Variants in CSMD1 observed in about 807,000 individuals in gnomAD.
The protein encoded by CSMD1 is CUB and Sushi multiple domains 1.
A neutral mutation model predicts 417.5 loss-of-function variants in CSMD1; 213 were observed. That is an observed-to-expected ratio of 0.51 (90% CI 0.46 to 0.57). CSMD1 has a LOEUF of 0.57. Among genes scored for constraint, CSMD1 ranks in the 20% least tolerant of loss-of-function variants. The pLI is 0.00. For synonymous variants in CSMD1, 2,862 were observed against 1,736.8 expected (o/e 1.65, Z -16.11); for missense variants, 6,923 against 4,529.7 (o/e 1.53, Z -15.17).
intron 1 of CSMD1, among the ~76,000 whole-genome samples, chr8:4,848,184 T>C (rs1262430518): frequency 6.6e-6 from 1 of 152,230 alleles, no homozygotes; most frequent in Non-Finnish European, 1.5e-5. Flanking sequence ...AATATTTCAT[T>C]GTATGGAAAT....
chr8:4,412,318 C>CTTT (rs944919076), intron 3 of CSMD1, among the ~76,000 whole-genome samples: 2 of 151,992 alleles, frequency 1.3e-5, no homozygotes, highest in Non-Finnish European at 2.9e-5. Flanking sequence ...GGACACAGCG[C>CTTT]AAAAGATTCA....
chr8:4,289,402 G>C (rs1253291002), intron 3 of CSMD1, among the ~76,000 whole-genome samples: 4 of 23,010 alleles, frequency 1.7e-4, no homozygotes, highest in Admixed American at 8.8e-4. Context: ...TAAAGTAGAG[G>C]GAGCCAGGGC....
At chr8:4,857,269 G>A (rs1289863167) in intron 1 of CSMD1, among the ~76,000 whole-genome samples, 1 of 146,506 alleles carries the variant, frequency 6.8e-6, no homozygotes, top group Non-Finnish European at 1.5e-5. Context: ...TCAAAGCAGT[G>A]TGTAGAGGAA....
intron 4 of CSMD1, among the ~76,000 whole-genome samples, chr8:4,012,592 A>G (rs1563317381): frequency 1.3e-5 from 2 of 152,036 alleles, no homozygotes; most frequent in African/African-American, 4.8e-5. Context: ...TCCCCTCAGT[A>G]GGCCTCAGTG....
At chr8:3,703,424 T>G (rs1195502229) in intron 7 of CSMD1, among the ~76,000 whole-genome samples, 1 of 136,036 alleles carries the variant, frequency 7.4e-6, no homozygotes, top group Non-Finnish European at 1.6e-5. Context: ...GCACAGAGAT[T>G]CCTTTCTCCC....
rs1277330164 is a variant in CSMD1, at chr8:3,096,924, G to A, written c.7063C>T (p.Pro2355Ser). The change falls in exon 47 of 70, where the codon CCA becomes TCA. Residue 2355 changes from proline (P) to serine (S), a missense_variant. Coordinates refer to ENST00000635120, the MANE Select transcript of CSMD1 (RefSeq NM_033225.6). ...ACAAAGATGGTAATGTTGTAGTTTG[G>A]TTCCACTTTAATACTCCAAGAGCAA... is the stretch of plus-strand genomic sequence containing the variant. ...QTCSWSIKVEPNYNITIFVDT... is the reference protein window; with the variant it reads ...QTCSWSIKVESNYNITIFVDT... 1 of 1,556,704 alleles carries A rather than the reference G, an allele frequency of 6.4e-7. No individual in the cohort carries two copies. Among genetic ancestry groups the A allele is most frequent in the African/African-American group, 1.4e-5 (1 of 73,632 alleles).
intron 1 of CSMD1, among the ~76,000 whole-genome samples, chr8:4,813,661 G>C (rs1415873620): frequency 6.6e-6 from 1 of 152,168 alleles, no homozygotes. Flanking sequence ...TTTACACGTT[G>C]CAAGAGAGAA....
In CSMD1 at chr8:2,997,210, T is replaced by G. The variant is rs185139176; in HGVS notation, c.8377+801A>C. On this transcript the variant is annotated intron_variant, in intron 54 of 69. Coordinates refer to ENST00000635120, the MANE Select transcript of CSMD1 (RefSeq NM_033225.6). Reference sequence around the variant, plus strand: ...GGGAAACAGAGGTAGGAGTCTTTACTTAGCCTTTGAGCTTACGCCAAGACC... The same window carrying G: ...GGGAAACAGAGGTAGGAGTCTTTACGTAGCCTTTGAGCTTACGCCAAGACC... 3.3e-5 allele frequency among the ~76,000 whole-genome samples: 5 copies of G among 152,360 alleles called. No individual in the cohort carries two copies. The East Asian group carries it at 9.7e-4, about 29-fold the overall frequency.
chr8:4,749,341 G>A (rs1010971922), intron 1 of CSMD1, among the ~76,000 whole-genome samples: 5 of 152,116 alleles, frequency 3.3e-5, no homozygotes, highest in South Asian at 2.1e-4. Context: ...TACATTAAAC[G>A]TAAAAGCCAT....
chr8:3,595,592 T>C (rs981730053), intron 8 of CSMD1, among the ~76,000 whole-genome samples: 1 of 152,184 alleles, frequency 6.6e-6, no homozygotes, highest in South Asian at 2.1e-4. Context: ...AATCAAAATA[T>C]AGGATGGTTC....
intron 26 of CSMD1, among the ~76,000 whole-genome samples, chr8:3,271,494 G>T (rs541284973): frequency 6.8e-6 from 1 of 146,046 alleles, no homozygotes; most frequent in Non-Finnish European, 1.5e-5. Flanking sequence ...GATCCCTGAC[G>T]AATGTCCACA....
chr8:4,159,613 G>A (rs911957727), intron 3 of CSMD1, among the ~76,000 whole-genome samples: 2 of 152,142 alleles, frequency 1.3e-5, no homozygotes, highest in Non-Finnish European at 2.9e-5. Context: ...TTGTGAGACA[G>A]AGTCTCACTC....
intron 21 of CSMD1, among the ~76,000 whole-genome samples, chr8:3,348,547 C>T (rs1297312715): frequency 5.9e-5 from 9 of 152,272 alleles, no homozygotes; most frequent in African/African-American, 1.9e-4. Context: ...CCAGTTCCCA[C>T]GCTCCCATTC....
chr8:4,239,525 G>A (rs534254143), intron 3 of CSMD1, among the ~76,000 whole-genome samples: 25 of 152,296 alleles, frequency 1.6e-4, no homozygotes, highest in Admixed American at 8.5e-4. Context: ...AGCTGGTTTT[G>A]GTGGTTCCAA....
chr8:3,521,798 G>A (rs907487606), intron 10 of CSMD1, among the ~76,000 whole-genome samples: 1 of 152,102 alleles, frequency 6.6e-6, no homozygotes, highest in East Asian at 1.9e-4. Context: ...ACAAAGAATG[G>A]ATTCTCTGTA....
intron 1 of CSMD1, among the ~76,000 whole-genome samples, chr8:4,892,902 A>G (rs1339105457): frequency 1.3e-5 from 2 of 152,168 alleles, no homozygotes; most frequent in Non-Finnish European, 2.9e-5. Context: ...TTGGCTTTAT[A>G]AAGTATTAAT....
At chr8:3,816,728 T>G (rs1679237019) in intron 5 of CSMD1, among the ~76,000 whole-genome samples, 1 of 152,190 alleles carries the variant, frequency 6.6e-6, no homozygotes, top group Non-Finnish European at 1.5e-5. Context: ...TGTATTTAAT[T>G]ATGACCAGAA....
intron 1 of CSMD1, among the ~76,000 whole-genome samples, chr8:4,990,454 C>T (rs1437398186): frequency 1.3e-5 from 2 of 152,094 alleles, no homozygotes; most frequent in African/African-American, 4.8e-5. Context: ...ACCTCCACCT[C>T]CCGGGTTCAA....
intron 10 of CSMD1, among the ~76,000 whole-genome samples, chr8:3,524,769 T>G (rs921058701): frequency 6.7e-6 from 1 of 150,216 alleles, no homozygotes; most frequent in Admixed American, 6.6e-5. Flanking sequence ...CATGCACATA[T>G]GCAAGTGCAC....
Sources: gnomAD v4.1 joint callset for allele counts (sites outside exome capture counted in the v4.1 genomes callset) on GRCh38, gnomAD v4.1.1 for gene constraint, MANE v1.5 for transcripts, NCBI Gene and HGNC (gene_info 2026-07-23, HGNC 2026-07-21) for gene names.